BBOX1: variants seen among roughly 807,000 people sequenced by gnomAD.
BBOX1 encodes the protein gamma-butyrobetaine hydroxylase 1, also known as gamma-butyrobetaine dioxygenase.
A neutral mutation model predicts 41.6 loss-of-function variants in BBOX1; 35 were observed. That is an observed-to-expected ratio of 0.84 (90% CI 0.64 to 1.11). The LOEUF is 1.11. Ranked by LOEUF, BBOX1 falls within the 50% of genes most tolerant of loss-of-function variation. The probability of loss-of-function intolerance (pLI) is 0.00; values close to 1 mark genes in which losing one functional copy is unlikely to be tolerated. For missense variants in BBOX1, 458 were observed against 460.6 expected (o/e 0.99, Z 0.05); for synonymous variants, 163 against 154.7 (o/e 1.05, Z -0.40).
intron 4 of BBOX1, among the ~76,000 whole-genome samples, chr11:27,063,930 C>G (rs1857208247): frequency 6.6e-6 from 1 of 151,840 alleles, no homozygotes; most frequent in African/African-American, 2.4e-5. Flanking sequence ...GACTTTATGA[C>G]AGTGCAAAAA....
At chr11:27,115,766 C>T (rs1346389808) in intron 6 of BBOX1, among the ~76,000 whole-genome samples, 1 of 151,704 alleles carries the variant, frequency 6.6e-6, no homozygotes, top group African/African-American at 2.4e-5. Context: ...TCATTTAAAA[C>T]AACAACAACA....
In BBOX1 at chr11:27,115,516, A is replaced by G. The variant is rs1368107140; in HGVS notation, c.598A>G (p.Ser200Gly). 4 of 1,611,188 alleles carry G rather than the reference A, an allele frequency of 2.5e-6. No homozygotes were observed. The highest frequency in any genetic ancestry group is 3.4e-6 in the Non-Finnish European group (4 of 1,178,210). ...TGTGGCTTACACAACTGGGAAGCTA[A>G]GCTTTCACACTGATTATCCAGCCCT... is the stretch of plus-strand genomic sequence containing the variant. ...NNVAYTTGKL[S>G]FHTDYPALHH... Residue 200 changes from serine (S) to glycine (G), a missense_variant, in exon 6 of 9, where the codon AGC (serine) becomes GGC (glycine). Physicochemically the swap from Ser to Gly is moderately conservative, Grantham distance 56. Transcript: ENST00000263182.
intron 5 of BBOX1, among the ~76,000 whole-genome samples, chr11:27,109,735 G>T (rs771937211): frequency 2.0e-4 from 30 of 152,000 alleles, no homozygotes; most frequent in Non-Finnish European, 3.1e-4. Flanking sequence ...ATCAGTAAGA[G>T]CTTCTGACAG....
chr11:27,064,629 T>G (rs187573282), intron 4 of BBOX1, among the ~76,000 whole-genome samples: 1 of 152,104 alleles, frequency 6.6e-6, no homozygotes, highest in African/African-American at 2.4e-5. Flanking sequence ...AAAAAAGGAG[T>G]TTAATAGACA....
intron 4 of BBOX1, among the ~76,000 whole-genome samples, chr11:27,084,765 T>G (rs1857975267): frequency 6.6e-6 from 1 of 152,142 alleles, no homozygotes; most frequent in Non-Finnish European, 1.5e-5. Flanking sequence ...TTTTTTGAAA[T>G]ACAGCTCAGG....
chr11:27,097,644 G>C (rs2134053540), intron 5 of BBOX1, among the ~76,000 whole-genome samples: 1 of 152,170 alleles, frequency 6.6e-6, no homozygotes, highest in South Asian at 2.1e-4. Context: ...CGAAGGAACA[G>C]ACTGAAAAGT....
intron 8 of BBOX1, 60 bp downstream of exon 8, chr11:27,125,880 C>T: frequency 2.6e-6 from 4 of 1,538,394 alleles, no homozygotes; most frequent in Non-Finnish European, 3.5e-6. Flanking sequence ...CCTTAACCAC[C>T]TAGAATTATA....
intron 5 of BBOX1, among the ~76,000 whole-genome samples, chr11:27,111,820 T>G (rs1859074436): frequency 6.6e-6 from 1 of 151,950 alleles, no homozygotes; most frequent in South Asian, 2.1e-4. Context: ...AGTAATCAAA[T>G]AGTGGATGAG....
At chr11:27,068,556 A>T (rs1857357144) in intron 4 of BBOX1, among the ~76,000 whole-genome samples, 1 of 151,702 alleles carries the variant, frequency 6.6e-6, no homozygotes, top group Non-Finnish European at 1.5e-5. Context: ...TTTTTGCTAT[A>T]CAGAGCTTTT....
At chr11:27,050,061 A>C (rs1162509460) in intron 2 of BBOX1, among the ~76,000 whole-genome samples, 1 of 152,042 alleles carries the variant, frequency 6.6e-6, no homozygotes, top group East Asian at 1.9e-4. Context: ...CCAATTTTAT[A>C]CTTCTTCATC....
At chr11:27,044,161 T>C (rs538680368) in intron 2 of BBOX1, among the ~76,000 whole-genome samples, 233 of 152,328 alleles carry the variant, frequency 1.5e-3, no homozygotes, top group African/African-American at 4.9e-3. Context: ...TGGTATCTCA[T>C]TGTGGTTTTG....
chr11:27,093,137 C>A, intron 4 of BBOX1, 31 bp from the exon 5 acceptor site: 1 of 1,587,496 alleles, frequency 6.3e-7, no homozygotes, highest in South Asian at 1.1e-5. Flanking sequence ...AATGTAATCC[C>A]ATCTGATTTC....
chr11:27,093,505 A>G (rs1564976414), intron 5 of BBOX1, 139 bp downstream of exon 5: 2 of 946,070 alleles, frequency 2.1e-6, no homozygotes, highest in Non-Finnish European at 3.1e-6. Flanking sequence ...AGAAGAGTCT[A>G]AAAGTAGTAT....
rs1473921119 is a variant in BBOX1, at chr11:27,127,324, A to C, written c.1035A>C (p.Leu345Phe). 1.2e-6 allele frequency: 2 copies of C among 1,614,044 alleles called. No homozygotes were observed. The highest frequency in any genetic ancestry group is 1.1e-5 in the South Asian group (1 of 91,038). ...TGATTACTTTTGATAACTGGCGCTT[A>C]CTTCATGGCCGACGTAGCTATGAAG... The part of the protein sequence containing the change: ...GDVITFDNWR[L>F]LHGRRSYEAG... Residue 345 changes from leucine (L) to phenylalanine (F), a missense_variant, in exon 9 of 9, where the codon TTA becomes TTC. Coordinates refer to ENST00000263182, the MANE Select transcript of BBOX1 (RefSeq NM_003986.3).
chr11:27,064,924 A>G (rs1023554769), intron 4 of BBOX1, among the ~76,000 whole-genome samples: 1 of 151,946 alleles, frequency 6.6e-6, no homozygotes, highest in African/African-American at 2.4e-5. Context: ...AAAACAACAA[A>G]AAAAACATCT....
chr11:27,096,035 C>G (rs913083848), intron 5 of BBOX1, among the ~76,000 whole-genome samples: 5 of 151,902 alleles, frequency 3.3e-5, no homozygotes, highest in African/African-American at 1.2e-4. Flanking sequence ...GCCTGAGTAT[C>G]AGGACTCTTC....
chr11:27,125,505 G>A (rs1859619680), intron 7 of BBOX1, 149 bp from the exon 8 acceptor site: 3 of 585,476 alleles, frequency 5.1e-6, no homozygotes, highest in Non-Finnish European at 8.1e-6. Flanking sequence ...AGAATACATT[G>A]CACCACAGGT....
intron 6 of BBOX1, among the ~76,000 whole-genome samples, 172 bp downstream of exon 6, chr11:27,115,729 C>T (rs1247551577): frequency 2.0e-5 from 3 of 151,900 alleles, no homozygotes; most frequent in Non-Finnish European, 4.4e-5. Context: ...AATATCTTCA[C>T]ATTCCTAAAG....
At chr11:27,084,457 T>C (rs1177450980) in intron 4 of BBOX1, among the ~76,000 whole-genome samples, 1 of 152,010 alleles carries the variant, frequency 6.6e-6, no homozygotes, top group East Asian at 1.9e-4. Flanking sequence ...AAAAAAAATC[T>C]GAAGAGGGCA....
Sources: allele counts gnomAD v4.1 joint callset (sites outside exome capture counted in the v4.1 genomes callset), GRCh38; gene constraint gnomAD v4.1.1; transcripts MANE v1.5; gene names NCBI Gene and HGNC (gene_info 2026-07-23, HGNC 2026-07-21).